The following CSMD1 variants were observed in gnomAD, a reference collection of about 807,000 sequenced individuals.
CSMD1 encodes CUB and Sushi multiple domains 1, also known as CUB and sushi domain-containing protein 1.
Under a neutral mutation model 417.5 loss-of-function variants are expected in CSMD1, and 213 were observed. The ratio of observed to expected loss-of-function variants is 0.51; its 90% confidence interval spans 0.46 to 0.57. The LOEUF (loss-of-function observed/expected upper bound fraction) is 0.57. Among genes scored for constraint, CSMD1 ranks in the 20% least tolerant of loss-of-function variants. The pLI, the probability that CSMD1 is intolerant of heterozygous loss-of-function variation, is 0.00. For missense variants in CSMD1, 6,923 were observed against 4,529.7 expected (o/e 1.53, Z -15.17); for synonymous variants, 2,862 against 1,736.8 (o/e 1.65, Z -16.11).
chr8:3,674,518 TAGATA>T (rs1210344828), intron 7 of CSMD1, among the ~76,000 whole-genome samples: 1 of 152,160 alleles, frequency 6.6e-6, no homozygotes, highest in Non-Finnish European at 1.5e-5. Flanking sequence ...CGTGAATCAT[TAGATA>T]ATTTAACAAT....
At chr8:3,303,747 C>G (rs1297007815) in intron 25 of CSMD1, among the ~76,000 whole-genome samples, 1 of 152,108 alleles carries the variant, frequency 6.6e-6, no homozygotes, top group Non-Finnish European at 1.5e-5. Context: ...CATGGCTGTG[C>G]CCAGCAATGA....
chr8:4,695,497 C>T (rs1382149457), intron 1 of CSMD1, among the ~76,000 whole-genome samples: 2 of 152,192 alleles, frequency 1.3e-5, no homozygotes, highest in African/African-American at 2.4e-5. Flanking sequence ...ATCTCGATAC[C>T]CTAAAATAAG....
chr8:3,279,235 G>A (rs1347312883), intron 26 of CSMD1: 6 of 152,150 alleles, frequency 3.9e-5, no homozygotes, highest in African/African-American at 1.4e-4. Context: ...GAGCACGAGG[G>A]AATATAATGA....
intron 26 of CSMD1, among the ~76,000 whole-genome samples, chr8:3,248,512 C>G (rs1377072390): frequency 7.1e-6 from 1 of 140,100 alleles, no homozygotes; most frequent in Non-Finnish European, 1.5e-5. Context: ...CGCCTGTAAT[C>G]AATTCCCTCC....
chr8:4,205,170 G>A (rs1037205827), intron 3 of CSMD1, among the ~76,000 whole-genome samples: 14 of 152,042 alleles, frequency 9.2e-5, no homozygotes, highest in African/African-American at 2.9e-4. Flanking sequence ...GAGAAAACTG[G>A]GTGAAGAAAC....
At chr8:3,762,606 C>T (rs1305964914) in intron 5 of CSMD1, among the ~76,000 whole-genome samples, 2 of 152,232 alleles carry the variant, frequency 1.3e-5, no homozygotes, top group Admixed American at 1.3e-4. Flanking sequence ...AAGCCCATGA[C>T]TTGGCCCTAA....
Position 3,493,524 on chromosome 8 carries a change from C to T in CSMD1, c.1448+99G>A, listed in dbSNP as rs1451607703. On this transcript the variant is annotated intron_variant, in intron 11 of 69. Transcript: ENST00000635120. ...AGCCATAGATGGCACTAAGCAAACA[C>T]CTGAGGCCGAATTACAAGCCTGTAG... The T allele has an allele frequency of 4.0e-6, 4 of 988,220 alleles. 1 individual carries two copies. Among genetic ancestry groups the T allele is most frequent in the South Asian group, 3.1e-5 (2 of 64,530 alleles). 61.2% of individuals were successfully genotyped at this position (988,220 alleles called of 1,614,324 possible).
chr8:4,179,856 T>C (rs1798257554), intron 3 of CSMD1, among the ~76,000 whole-genome samples: 1 of 152,030 alleles, frequency 6.6e-6, no homozygotes, highest in African/African-American at 2.4e-5. Context: ...ATCAGAGAAA[T>C]GCAAACCAAA....
At chr8:4,096,952 A>C (rs2130864990) in intron 3 of CSMD1, among the ~76,000 whole-genome samples, 1 of 152,332 alleles carries the variant, frequency 6.6e-6, no homozygotes, top group South Asian at 2.1e-4. Flanking sequence ...AACGCCATTT[A>C]GATGTGTGAG....
At chr8:4,143,609 G>C (rs765382224) in intron 3 of CSMD1, among the ~76,000 whole-genome samples, 1 of 151,040 alleles carries the variant, frequency 6.6e-6, no homozygotes, top group Non-Finnish European at 1.5e-5. Flanking sequence ...TGATGCCCAT[G>C]GCACTCTGAG....
At position 3,189,020 on chromosome 8, in the gene CSMD1, C is replaced by T; in HGVS notation, c.5399-9G>A. The T allele has an allele frequency of 6.2e-7, 1 of 1,608,626 alleles. No homozygotes were observed. Among genetic ancestry groups the T allele is most frequent in the Non-Finnish European group, 8.5e-7 (1 of 1,176,948 alleles). ...ATTGCCACTGCAGGGTACTAAAAGACACAACCATATGTCATGAAATAAAGT... is the reference window on the plus strand; with the variant it reads ...ATTGCCACTGCAGGGTACTAAAAGATACAACCATATGTCATGAAATAAAGT... On this transcript the variant is annotated splice_polypyrimidine_tract_variant and intron_variant, in intron 34 of 69. Coordinates refer to ENST00000635120, the MANE Select transcript of CSMD1 (RefSeq NM_033225.6).
At chr8:3,757,308 T>A (rs907098724) in intron 5 of CSMD1, among the ~76,000 whole-genome samples, 1 of 152,206 alleles carries the variant, frequency 6.6e-6, no homozygotes, top group African/African-American at 2.4e-5. Context: ...ATGGGTCACA[T>A]GGTCTTTGTT....
chr8:4,397,278 T>C (rs963588922), intron 3 of CSMD1, among the ~76,000 whole-genome samples: 2 of 152,162 alleles, frequency 1.3e-5, no homozygotes, highest in African/African-American at 4.8e-5. Flanking sequence ...TGAGCATTAG[T>C]TACCTAAGCA....
intron 59 of CSMD1, among the ~76,000 whole-genome samples, chr8:2,963,650 T>C (rs1319245944): frequency 6.6e-6 from 1 of 152,198 alleles, no homozygotes; most frequent in Non-Finnish European, 1.5e-5. Context: ...GAACATGACA[T>C]TCCCAATATA....
intron 16 of CSMD1, among the ~76,000 whole-genome samples, chr8:3,398,094 T>A (rs1455541283): frequency 6.6e-6 from 1 of 152,100 alleles, no homozygotes; most frequent in Non-Finnish European, 1.5e-5. Context: ...CAAGCAAATA[T>A]CTTCCTTCAG....
chr8:3,209,242 C>T (rs946602416), intron 30 of CSMD1, among the ~76,000 whole-genome samples: 1 of 152,046 alleles, frequency 6.6e-6, no homozygotes, highest in Non-Finnish European at 1.5e-5. Context: ...ACATGAACAA[C>T]ATTTGTGTTA....
At chr8:3,034,541 A>C (rs879752770) in intron 50 of CSMD1, among the ~76,000 whole-genome samples, 28 of 152,326 alleles carry the variant, frequency 1.8e-4, no homozygotes, top group Non-Finnish European at 3.2e-4. Context: ...AACACATAAA[A>C]ACACATAAAT....
intron 47 of CSMD1, among the ~76,000 whole-genome samples, chr8:3,094,230 T>C (rs1585331491): frequency 6.6e-6 from 1 of 152,100 alleles, no homozygotes; most frequent in Admixed American, 6.5e-5. Context: ...CTCAGGCTCC[T>C]GAGTAGCTGG....
intron 20 of CSMD1, among the ~76,000 whole-genome samples, chr8:3,361,743 T>C (rs544028385): frequency 3.3e-5 from 5 of 151,750 alleles, no homozygotes; most frequent in Non-Finnish European, 5.9e-5. Flanking sequence ...TTATCTTATA[T>C]AAAGAAACAC....
Sources: gnomAD v4.1 joint callset for allele counts (sites outside exome capture counted in the v4.1 genomes callset) on GRCh38, gnomAD v4.1.1 for gene constraint, MANE v1.5 for transcripts, NCBI Gene and HGNC (gene_info 2026-07-23, HGNC 2026-07-21) for gene names.